The following ASAP2 variants were observed in gnomAD, a reference collection of about 807,000 sequenced individuals.
The protein encoded by ASAP2 is ArfGAP with SH3 domain, ankyrin repeat and PH domain 2.
A neutral mutation model predicts 131.4 loss-of-function variants in ASAP2; 45 were observed. That is an observed-to-expected ratio of 0.34 (90% CI 0.27 to 0.44). The LOEUF (loss-of-function observed/expected upper bound fraction) is 0.44. ASAP2 is among the 20% of genes least tolerant of loss of function. The pLI is 1.00. For missense variants in ASAP2, 1,011 were observed against 1,297.0 expected (o/e 0.78, Z 3.39); for synonymous variants, 510 against 503.0 (o/e 1.01, Z -0.19).
At position 9,207,297 on chromosome 2, in the gene ASAP2, G is replaced by T; in HGVS notation, c.126+67G>T. 2 of 1,446,222 alleles carry T rather than the reference G, an allele frequency of 1.4e-6. No homozygotes were observed. Among genetic ancestry groups the T allele is most frequent in the Non-Finnish European group, 9.1e-7 (1 of 1,101,676 alleles). The allele number at this position is 1,446,222 out of a possible 1,614,324, so 89.6% of individuals were successfully genotyped here. ...CGCCCCAGCCCCGCCCGCCGCTCCC[G>T]CATCCGCATCCCGAGAAAACTTTCT... On this transcript the variant is annotated intron_variant, in intron 1 of 27. Transcript: ENST00000281419. This position sits in a 1 kb window ranked among gnomAD's most constrained non-coding sequence, Gnocchi z 4.1.
intron 1 of ASAP2, among the ~76,000 whole-genome samples, chr2:9,254,529 T>A (rs1191265847): frequency 7.7e-5 from 6 of 77,744 alleles, no homozygotes; most frequent in South Asian, 3.5e-4. Context: ...ATTTTTGGAT[T>A]TTTTTTTTTT....
intron 3 of ASAP2, among the ~76,000 whole-genome samples, chr2:9,309,746 T>C (rs1187916068): frequency 6.6e-6 from 1 of 152,250 alleles, no homozygotes; most frequent in Non-Finnish European, 1.5e-5. Context: ...GTATCTGCTT[T>C]ACTGAGTCTA....
At chr2:9,316,970 G>A (rs575233152) in intron 3 of ASAP2, among the ~76,000 whole-genome samples, 1,239 of 30,046 alleles carry the variant, frequency 0.041, 11 homozygotes, top group Middle Eastern at 0.11. Context: ...CACACCCCCC[G>A]TCACACCCTC....
At chr2:9,384,924 T>C (rs1675147142) in intron 20 of ASAP2, among the ~76,000 whole-genome samples, 1 of 152,238 alleles carries the variant, frequency 6.6e-6, no homozygotes, top group African/African-American at 2.4e-5. Context: ...GCAGGAGAAG[T>C]TCAGAGAGAT....
intron 1 of ASAP2, among the ~76,000 whole-genome samples, chr2:9,212,840 A>C (rs2147938932): frequency 6.6e-6 from 1 of 152,194 alleles, no homozygotes; most frequent in South Asian, 2.1e-4. Flanking sequence ...CACCCAGGAC[A>C]ATTTTTACAG....
At chr2:9,211,171 A>G (rs1661521072) in intron 1 of ASAP2, among the ~76,000 whole-genome samples, 1 of 146,580 alleles carries the variant, frequency 6.8e-6, no homozygotes, top group East Asian at 2.0e-4. Context: ...AAAAAAAAAA[A>G]GTTTGTTGTC....
intron 15 of ASAP2, among the ~76,000 whole-genome samples, chr2:9,363,872 A>G (rs1292493388): frequency 3.9e-5 from 6 of 152,144 alleles, no homozygotes; most frequent in Non-Finnish European, 4.4e-5. Flanking sequence ...CCTGCAGCCT[A>G]GCATTACTTC....
intron 16 of ASAP2, among the ~76,000 whole-genome samples, chr2:9,371,799 T>A (rs779558504): frequency 6.6e-6 from 1 of 152,040 alleles, no homozygotes; most frequent in Non-Finnish European, 1.5e-5. Flanking sequence ...GTTAATTGTT[T>A]TTCTGCAAAA....
intron 11 of ASAP2, among the ~76,000 whole-genome samples, chr2:9,349,836 T>C (rs560796165): frequency 1.0e-3 from 153 of 152,204 alleles, no homozygotes; most frequent in Non-Finnish European, 1.9e-3. Flanking sequence ...CACAGGTCTG[T>C]CCAGGTGTAG....
At chr2:9,314,753 G>A (rs1423553643) in intron 3 of ASAP2, among the ~76,000 whole-genome samples, 1 of 151,974 alleles carries the variant, frequency 6.6e-6, no homozygotes, top group Non-Finnish European at 1.5e-5. Flanking sequence ...GACCAACATG[G>A]TGAAACCCCG....
At chr2:9,240,280 G>T (rs1663870018) in intron 1 of ASAP2, among the ~76,000 whole-genome samples, 3 of 143,014 alleles carry the variant, frequency 2.1e-5, no homozygotes, top group African/African-American at 2.6e-5. Flanking sequence ...TTGAGACAGG[G>T]TCTCACTCTG....
intron 24 of ASAP2, among the ~76,000 whole-genome samples, chr2:9,395,199 G>T (rs1377800848): frequency 6.6e-6 from 1 of 152,190 alleles, no homozygotes; most frequent in Non-Finnish European, 1.5e-5. Flanking sequence ...GGGGCCAGGC[G>T]CCATGGCTCA....
chr2:9,329,238 C>T (rs1260100479), intron 7 of ASAP2, among the ~76,000 whole-genome samples: 1 of 152,162 alleles, frequency 6.6e-6, no homozygotes, highest in East Asian at 1.9e-4. Context: ...ATGGAAAAGC[C>T]TTAGGGATGT....
At chr2:9,307,708 A>T (rs540703964) in intron 3 of ASAP2, among the ~76,000 whole-genome samples, 1 of 152,344 alleles carries the variant, frequency 6.6e-6, no homozygotes, top group African/African-American at 2.4e-5. Flanking sequence ...CAGCATTAAG[A>T]GCAGAAACCA....
At chr2:9,364,129 AC>A (rs1163638708) in intron 15 of ASAP2, among the ~76,000 whole-genome samples, 1 of 152,222 alleles carries the variant, frequency 6.6e-6, no homozygotes, top group Non-Finnish European at 1.5e-5. Flanking sequence ...CTAGGGTACT[AC>A]TATCATGATC....
chr2:9,309,675 A>G (rs575058862), intron 3 of ASAP2, among the ~76,000 whole-genome samples: 9 of 152,340 alleles, frequency 5.9e-5, no homozygotes, highest in African/African-American at 2.2e-4. Context: ...AAACTTTTCA[A>G]AAGCCATTTG....
chr2:9,299,827 G>A lies in ASAP2; in HGVS notation c.345+2382G>A, dbSNP rs111504121. 1.4e-3 allele frequency among the ~76,000 whole-genome samples: 213 copies of A among 151,694 alleles called. 1 individual carries two copies. The highest frequency in any genetic ancestry group is 4.5e-3 in the African/African-American group (185 of 41,070). ...TTGTGTGGATAGATTATAGCCAGCC[G>A]GTGACTCTTACACAGGATAGCTTAC... On this transcript the variant is annotated intron_variant, in intron 3 of 27. Coordinates refer to ENST00000281419, the MANE Select transcript of ASAP2 (RefSeq NM_003887.3).
chr2:9,321,893 A>G (rs1430339142), intron 5 of ASAP2, among the ~76,000 whole-genome samples: 1 of 152,146 alleles, frequency 6.6e-6, no homozygotes, highest in Non-Finnish European at 1.5e-5. Flanking sequence ...TAAAGGAAAT[A>G]ATTCTTTATT....
At chr2:9,298,453 G>A (rs1354193646) in intron 3 of ASAP2, among the ~76,000 whole-genome samples, 1 of 152,188 alleles carries the variant, frequency 6.6e-6, no homozygotes, top group East Asian at 1.9e-4. Flanking sequence ...GTAGGAAATG[G>A]TAAAAGTAAA....
Sources: allele counts gnomAD v4.1 joint callset (sites outside exome capture counted in the v4.1 genomes callset), GRCh38; gene constraint gnomAD v4.1.1; non-coding constraint Gnocchi (gnomAD v3.1); transcripts MANE v1.5; gene names NCBI Gene and HGNC (gene_info 2026-07-23, HGNC 2026-07-21).